SENP5: variants seen among roughly 807,000 people sequenced by gnomAD.
SENP5 encodes SUMO specific peptidase 5.
In SENP5, 21 loss-of-function variants were observed where a neutral mutation model predicts 74.2. That is an observed-to-expected ratio of 0.28 (90% CI 0.20 to 0.41). The LOEUF is 0.41. Ranked by LOEUF, SENP5 falls within the 10% of genes least tolerant of loss-of-function variation. The probability of loss-of-function intolerance (pLI) is 1.00; values close to 1 mark genes in which losing one functional copy is unlikely to be tolerated. For synonymous variants in SENP5, 311 were observed against 312.7 expected (o/e 0.99, Z 0.06); for missense variants, 717 against 889.1 (o/e 0.81, Z 2.46).
chr3:196,869,890 CAT>C (rs1487375340), intron 1 of SENP5, among the ~76,000 whole-genome samples: 4 of 134,398 alleles, frequency 3.0e-5, no homozygotes, highest in African/African-American at 1.1e-4. Context: ...CTTCAAAAAT[CAT>C]AGAAAAATTG....
chr3:196,924,166 A>G (rs1439550381), intron 7 of SENP5, among the ~76,000 whole-genome samples: 2 of 152,244 alleles, frequency 1.3e-5, no homozygotes, highest in Admixed American at 6.5e-5. Flanking sequence ...AAGTATTTGA[A>G]TGAAATATGG....
At chr3:196,876,530 A>AAG (rs1713477586) in intron 1 of SENP5, among the ~76,000 whole-genome samples, 2 of 151,234 alleles carry the variant, frequency 1.3e-5, no homozygotes, top group African/African-American at 4.9e-5. Context: ...AAAAAAAAAA[A>AAG]AAAAGAAAAG....
At position 196,912,036 on chromosome 3, in the gene SENP5, C is replaced by G. The variant is rs545682287; in HGVS notation, c.1884+8426C>G. ...GACAGAGTGGCAATTCCTCAAGGATCTAGAACCAGAAATATCATTTGACCC... is the reference window on the plus strand; with the variant it reads ...GACAGAGTGGCAATTCCTCAAGGATGTAGAACCAGAAATATCATTTGACCC... On this transcript the variant is annotated intron_variant, in intron 6 of 9. Transcript: ENST00000323460. Among the ~76,000 whole-genome samples the G allele has an allele frequency of 5.9e-5, 9 of 152,288 alleles. No homozygotes were observed. In the South Asian group the frequency reaches 1.9e-3, roughly 32 times the overall value.
chr3:196,910,790 A>C (rs1715092343), intron 6 of SENP5, among the ~76,000 whole-genome samples: 2 of 152,220 alleles, frequency 1.3e-5, no homozygotes, highest in South Asian at 4.1e-4. Flanking sequence ...AAAAGAACAA[A>C]GCTGTAGGCA....
In SENP5 at chr3:196,909,603, C is replaced by G. The variant is rs914814390; in HGVS notation, c.1884+5993C>G. Among the ~76,000 whole-genome samples the G allele has an allele frequency of 2.0e-4, 31 of 152,174 alleles. 2 individuals are homozygous for G. The highest frequency in any genetic ancestry group is 5.9e-5 in the Non-Finnish European group (4 of 68,044). ...TCATCCCTGGGATGCAAGGCTGATT[C>G]AACATATGCAAATCAGTAAACATAA... On this transcript the variant is annotated intron_variant, in intron 6 of 9. Coordinates refer to ENST00000323460, the MANE Select transcript of SENP5 (RefSeq NM_152699.5).
Position 196,871,116 on chromosome 3 carries a change from G to C in SENP5, c.-32+3043G>C, listed in dbSNP as rs997491196. On this transcript the variant is annotated intron_variant, in intron 1 of 9. Coordinates refer to ENST00000323460, the MANE Select transcript of SENP5 (RefSeq NM_152699.5). Reference sequence around the variant, plus strand: ...ACCCATGAGGTAGAGGTTGCAGTGAGCCGAGGTTGCACCATTGCATTCCAG... The same window carrying C: ...ACCCATGAGGTAGAGGTTGCAGTGACCCGAGGTTGCACCATTGCATTCCAG... Among the ~76,000 whole-genome samples the C allele has an allele frequency of 4.3e-4, 65 of 152,042 alleles. 1 individual carries two copies. Among genetic ancestry groups the C allele is most frequent in the Admixed American group, 2.0e-4 (3 of 15,256 alleles).
At chr3:196,910,335 CTTTTTTT>C (rs869108574) in intron 6 of SENP5, among the ~76,000 whole-genome samples, 4 of 51,368 alleles carry the variant, frequency 7.8e-5, no homozygotes, top group East Asian at 7.3e-4. Flanking sequence ...CCAAAGTAAT[CTTTTTTT>C]TTTTTTTTTT....
At chr3:196,868,339 C>G (rs1379610070) in intron 1 of SENP5, among the ~76,000 whole-genome samples, 2 of 152,264 alleles carry the variant, frequency 1.3e-5, no homozygotes, top group East Asian at 3.8e-4. Context: ...GCTGGCGCCC[C>G]CCAGCTCCTC....
At chr3:196,894,600 A>G (rs1390058178) in intron 2 of SENP5, among the ~76,000 whole-genome samples, 1 of 151,158 alleles carries the variant, frequency 6.6e-6, no homozygotes. Context: ...TAGTTCTAAT[A>G]CTGTTTATTG....
At chr3:196,887,512 T>G (rs1161302484) in intron 2 of SENP5, among the ~76,000 whole-genome samples, 3 of 133,904 alleles carry the variant, frequency 2.2e-5, no homozygotes, top group African/African-American at 3.1e-5. Flanking sequence ...ATTGTTTCTG[T>G]TTTTTTTTTT....
intron 1 of SENP5, among the ~76,000 whole-genome samples, chr3:196,877,979 T>G (rs1484207863): frequency 6.6e-6 from 1 of 152,242 alleles, no homozygotes; most frequent in Non-Finnish European, 1.5e-5. Flanking sequence ...GGATTGAATA[T>G]ATACGTTTAA....
At chr3:196,895,763 CCTT>C (rs1323644165) in intron 2 of SENP5, among the ~76,000 whole-genome samples, 5 of 152,172 alleles carry the variant, frequency 3.3e-5, no homozygotes, top group African/African-American at 1.2e-4. Flanking sequence ...CTTAAGCAAT[CCTT>C]CTGTCTCAGC....
chr3:196,900,258 C>A, intron 4 of SENP5, 107 bp from the exon 5 acceptor site: 1 of 1,161,118 alleles, frequency 8.6e-7, no homozygotes, highest in Non-Finnish European at 1.2e-6. Context: ...TTGGGATGTA[C>A]TGAATTGTAT....
chr3:196,889,207 A>G (rs73078422), intron 2 of SENP5, among the ~76,000 whole-genome samples: 2 of 151,568 alleles, frequency 1.3e-5, no homozygotes, highest in African/African-American at 4.8e-5. Flanking sequence ...AAAAAAAACA[A>G]CACCAAAAAA....
chr3:196,891,878 C>G (rs1714217024), intron 2 of SENP5, among the ~76,000 whole-genome samples: 1 of 151,886 alleles, frequency 6.6e-6, no homozygotes, highest in African/African-American at 2.4e-5. Flanking sequence ...GCAACCTCTG[C>G]CTTCTGGGTT....
intron 6 of SENP5, among the ~76,000 whole-genome samples, chr3:196,911,670 TGTG>T (rs143747732): frequency 0.19 from 28,747 of 151,518 alleles, 3,461 homozygotes; most frequent in Non-Finnish European, 0.24. Context: ...CTGAGGCAGT[TGTG>T]GTGGTGGGGG....
Position 196,931,719 on chromosome 3 carries a change from A to G in SENP5, c.*796A>G, listed in dbSNP as rs904858953. 2 of 272,094 alleles carry G rather than the reference A, an allele frequency of 7.4e-6. No individual in the cohort carries two copies. The highest frequency in any genetic ancestry group is 1.5e-5 in the Non-Finnish European group (2 of 136,882). 16.9% of individuals were successfully genotyped at this position (272,094 alleles called of 1,614,324 possible). A position where few individuals can be genotyped will look rare whatever the true frequency, so the allele number is the denominator to read the frequency against. On this transcript the variant is annotated 3_prime_UTR_variant, in exon 10 of 10. Transcript: ENST00000323460. ...TTTCTGTTTTCGACCTGTTAAAAAA[A>G]TCTTAACATCCATCAAACTAGTGGT... is the stretch of plus-strand genomic sequence containing the variant.
chr3:196,884,212 G>A (rs576934159), intron 1 of SENP5, among the ~76,000 whole-genome samples: 2 of 152,318 alleles, frequency 1.3e-5, no homozygotes, highest in Admixed American at 6.5e-5. Context: ...GGGAAGCCAC[G>A]CTCCTCTGTT....
Position 196,927,846 on chromosome 3 carries a change from A to G in SENP5, c.2073A>G (p.Glu691=), listed in dbSNP as rs373914714. ...LTEAREKNRP[E]FLQGWQTAVT... is the part of the protein sequence containing the mutation. ...AAGCCAGAGAAAAAAATAGACCTGA[A>G]TTTCTTCAGGGTTGGCAGACTGCTG... Residue 691 remains glutamate (E), a synonymous_variant, in exon 8 of 10, where the codon GAA becomes GAG. Transcript: ENST00000323460. The G allele has an allele frequency of 6.2e-7, 1 of 1,613,060 alleles. No individual in the cohort carries two copies. The highest frequency in any genetic ancestry group is 1.3e-5 in the African/African-American group (1 of 74,978).
Sources: gnomAD v4.1 joint callset for allele counts (sites outside exome capture counted in the v4.1 genomes callset) on GRCh38, gnomAD v4.1.1 for gene constraint, MANE v1.5 for transcripts, NCBI Gene and HGNC (gene_info 2026-07-23, HGNC 2026-07-21) for gene names.